Variants in PPP3R1 observed in about 807,000 individuals in gnomAD.
PPP3R1 encodes the protein protein phosphatase 3 regulatory subunit B, alpha.
A neutral mutation model predicts 22.6 loss-of-function variants in PPP3R1; 5 were observed. The ratio of observed to expected loss-of-function variants is 0.22; its 90% CI spans 0.12 to 0.46. The LOEUF (loss-of-function observed/expected upper bound fraction) is 0.46. Ranked by LOEUF, PPP3R1 falls within the 20% of genes least tolerant of loss-of-function variation. PPP3R1 has a pLI of 0.99. For missense variants in PPP3R1, 61 were observed against 203.2 expected (o/e 0.30, Z 4.25); for synonymous variants, 56 against 65.2 (o/e 0.86, Z 0.68).
intron 2 of PPP3R1, among the ~76,000 whole-genome samples, chr2:68,193,931 T>C (rs1674718036): frequency 6.6e-6 from 1 of 152,114 alleles, no homozygotes; most frequent in African/African-American, 2.4e-5. Flanking sequence ...CTTAGGATCA[T>C]ATTCCCTTAA....
At chr2:68,207,637 T>C (rs1669336209) in intron 2 of PPP3R1, among the ~76,000 whole-genome samples, 1 of 152,188 alleles carries the variant, frequency 6.6e-6, no homozygotes, top group Admixed American at 6.5e-5. Flanking sequence ...TTCTGTTCTT[T>C]GACTGAGAAA....
At chr2:68,195,667 T>A (rs970810047) in intron 2 of PPP3R1, among the ~76,000 whole-genome samples, 8 of 152,182 alleles carry the variant, frequency 5.3e-5, no homozygotes, top group Non-Finnish European at 1.2e-4. Flanking sequence ...TCTTTCTTTC[T>A]ACATTAATTG....
At chr2:68,234,474 C>G (rs372852454) in intron 1 of PPP3R1, among the ~76,000 whole-genome samples, 6 of 152,204 alleles carry the variant, frequency 3.9e-5, no homozygotes, top group Non-Finnish European at 5.9e-5. Flanking sequence ...CGCAGCCATT[C>G]TGTATTATGC....
chr2:68,223,250 T>A (rs1195306205), intron 1 of PPP3R1, among the ~76,000 whole-genome samples: 1 of 151,986 alleles, frequency 6.6e-6, no homozygotes, highest in African/African-American at 2.4e-5. Flanking sequence ...AAAAATCAGC[T>A]GAGCATGATG....
At chr2:68,191,159 A>C (rs1270375310) in intron 2 of PPP3R1, among the ~76,000 whole-genome samples, 1 of 152,224 alleles carries the variant, frequency 6.6e-6, no homozygotes, top group East Asian at 1.9e-4. Context: ...GAGTCACTTA[A>C]CGATGGGGTT....
chr2:68,248,108 C>T (rs1670270920), intron 1 of PPP3R1, among the ~76,000 whole-genome samples: 3 of 152,172 alleles, frequency 2.0e-5, no homozygotes, highest in South Asian at 4.1e-4. Flanking sequence ...TCTCCAGCCA[C>T]GCTAAACTAA....
intron 2 of PPP3R1, among the ~76,000 whole-genome samples, chr2:68,189,515 T>C (rs901347301): frequency 6.6e-6 from 1 of 152,212 alleles, no homozygotes; most frequent in Admixed American, 6.5e-5. Context: ...ATCTGACTAA[T>C]ACACATAAGT....
chr2:68,217,208 G>A, intron 1 of PPP3R1, 77 bp from the exon 2 acceptor site: 1 of 1,035,442 alleles, frequency 9.7e-7, no homozygotes, highest in Admixed American at 2.3e-5. Context: ...AATATTTTAA[G>A]TCAAAAAACA....
chr2:68,201,912 C>T (rs1674982772), intron 2 of PPP3R1, among the ~76,000 whole-genome samples: 1 of 152,106 alleles, frequency 6.6e-6, no homozygotes, highest in Admixed American at 6.5e-5. Flanking sequence ...GGTTTTTTTA[C>T]TCTTGAAATT....
At chr2:68,198,552 T>C (rs1336049915) in intron 2 of PPP3R1, among the ~76,000 whole-genome samples, 1 of 151,658 alleles carries the variant, frequency 6.6e-6, no homozygotes, top group Non-Finnish European at 1.5e-5. Flanking sequence ...TCTGTTTCAT[T>C]GATTTTAGTC....
chr2:68,188,451 A>C, intron 3 of PPP3R1, 63 bp downstream of exon 3: 16 of 1,269,980 alleles, frequency 1.3e-5, no homozygotes, highest in South Asian at 1.8e-5. Flanking sequence ...TTTTTTACAC[A>C]GAGCTGTAAG....
intron 5 of PPP3R1, among the ~76,000 whole-genome samples, chr2:68,186,030 T>C (rs993677633): frequency 6.6e-6 from 1 of 152,192 alleles, no homozygotes; most frequent in African/African-American, 2.4e-5. Context: ...CAATCATTAC[T>C]GACAGAAAAA....
intron 5 of PPP3R1, among the ~76,000 whole-genome samples, chr2:68,185,873 A>AAGGAT (rs924445605): frequency 6.6e-6 from 1 of 152,236 alleles, no homozygotes; most frequent in African/African-American, 2.4e-5. Context: ...GTTTTTGCTT[A>AAGGAT]AGGATAATAT....
chr2:68,218,267 G>A (rs757981747), intron 1 of PPP3R1, among the ~76,000 whole-genome samples: 1 of 151,884 alleles, frequency 6.6e-6, no homozygotes, highest in African/African-American at 2.4e-5. Flanking sequence ...TTTTTAGTAT[G>A]ACTGGCTGGC....
chr2:68,186,881 C>T (rs553135419), intron 4 of PPP3R1, among the ~76,000 whole-genome samples: 129 of 152,278 alleles, frequency 8.5e-4, no homozygotes, highest in African/African-American at 3.0e-3. Context: ...GTTAACTATC[C>T]CTGCTAAGCT....
intron 2 of PPP3R1, among the ~76,000 whole-genome samples, chr2:68,191,877 T>G (rs1172536399): frequency 6.6e-6 from 1 of 152,154 alleles, no homozygotes; most frequent in African/African-American, 2.4e-5. Context: ...ATCTATAAAA[T>G]GACACACCCT....
At position 68,190,254 on chromosome 2, in the gene PPP3R1, TTAAAA is replaced by T. The variant is rs1484738134; in HGVS notation, c.44-1569_44-1565del. ...AGTAAAGGATCAGGGCAAGTTTCTC[TTAAAA>T]AAAAAAAAAAAAAAAAAAAAAAAGG... On this transcript the variant is annotated intron_variant, in intron 2 of 5. Coordinates refer to ENST00000234310, the MANE Select transcript of PPP3R1 (RefSeq NM_000945.4). Among the ~76,000 whole-genome samples the T allele has an allele frequency of 2.9e-4, 25 of 85,522 alleles. 2 individuals carry two copies. Among genetic ancestry groups the T allele is most frequent in the Admixed American group, 2.3e-3 (17 of 7,474 alleles). 56.1% of individuals were successfully genotyped at this position (85,522 alleles called of 152,430 possible). A position where few individuals can be genotyped will look rare whatever the true frequency, so the allele number is the denominator to read the frequency against.
Position 68,179,009 on chromosome 2 carries a change from A to AGAAAAG in PPP3R1, c.*1953_*1954insCTTTTC, listed in dbSNP as rs1553403007. On this transcript the variant is annotated 3_prime_UTR_variant, in exon 6 of 6. Coordinates refer to ENST00000234310, the MANE Select transcript of PPP3R1 (RefSeq NM_000945.4). ...CACACACAAACTAAAAAAAAAAAAAAAAAAAAAGAAAAAGAAAAAACCCTC... is the reference window on the plus strand; with the variant it reads ...CACACACAAACTAAAAAAAAAAAAAAGAAAAGAAAAAAAGAAAAAGAAAAAACCCTC... 44 of 122,532 alleles carry AGAAAAG rather than the reference A, an allele frequency of 3.6e-4. No individual in the cohort carries two copies. The highest frequency in any genetic ancestry group is 1.3e-3 in the African/African-American group (41 of 31,276). 7.6% of individuals were successfully genotyped at this position (122,532 alleles called of 1,614,324 possible). A position where few individuals can be genotyped will look rare whatever the true frequency, so the allele number is the denominator to read the frequency against.
intron 2 of PPP3R1, among the ~76,000 whole-genome samples, chr2:68,198,054 AC>A (rs1297884840): frequency 2.8e-5 from 3 of 108,952 alleles, no homozygotes; most frequent in Admixed American, 1.2e-4. Context: ...TTACAACGGC[AC>A]CTTTGGCAAA....
Sources: gnomAD v4.1 joint callset for allele counts (sites outside exome capture counted in the v4.1 genomes callset) on GRCh38, gnomAD v4.1.1 for gene constraint, MANE v1.5 for transcripts, NCBI Gene and HGNC (gene_info 2026-07-23, HGNC 2026-07-21) for gene names.